The following PPP2R2D variants were observed in gnomAD, a reference collection of about 807,000 sequenced individuals.
PPP2R2D encodes the protein serine/threonine-protein phosphatase 2A 55 kDa regulatory subunit B delta isoform.
A neutral mutation model predicts 31.1 loss-of-function variants in PPP2R2D; 9 were observed. The ratio of observed to expected loss-of-function variants is 0.29; its 90% CI spans 0.17 to 0.51. The LOEUF is 0.51. PPP2R2D is among the 20% of genes least tolerant of loss of function. The pLI is 0.98. For synonymous variants in PPP2R2D, 179 were observed against 172.6 expected (o/e 1.04, Z -0.29); for missense variants, 391 against 465.6 (o/e 0.84, Z 1.48).
chr10:131,908,034 A>G (rs2035625194), intron 2 of PPP2R2D, among the ~76,000 whole-genome samples: 1 of 152,184 alleles, frequency 6.6e-6, no homozygotes. Context: ...TTAAGATCAA[A>G]CAATGTGCAG....
At chr10:131,963,718 T>C (rs2036949169), downstream of PPP2R2D, among the ~76,000 whole-genome samples, 1 of 152,260 alleles carries the variant, frequency 6.6e-6, no homozygotes, top group South Asian at 2.1e-4. Context: ...ACCACACTTT[T>C]TTTTTCTTTT....
At chr10:131,970,225 GAAC>G in the PPP2R2D span, 4 of 188,274 alleles carry the variant, frequency 2.1e-5, no homozygotes, top group South Asian at 1.3e-4. The surrounding 1 kb of genome is among the most constrained non-coding windows in gnomAD (Gnocchi z 4.1). Context: ...AGAGTTACTA[GAAC>G]AACAGTCCTG....
chr10:131,925,589 C>CT (rs1564815578), intron 2 of PPP2R2D, among the ~76,000 whole-genome samples: 1 of 151,976 alleles, frequency 6.6e-6, no homozygotes, highest in African/African-American at 2.4e-5. Context: ...TTGCCACAAA[C>CT]TTTTTTTTAG....
chr10:131,917,004 GAC>G (rs1312192867), intron 2 of PPP2R2D, among the ~76,000 whole-genome samples: 3 of 138,758 alleles, frequency 2.2e-5, no homozygotes, highest in African/African-American at 5.2e-5. Context: ...TGGGTGGAAT[GAC>G]ACAGTGTAGG....
At chr10:131,937,074 C>T (rs1310331691) in intron 3 of PPP2R2D, among the ~76,000 whole-genome samples, 1 of 152,230 alleles carries the variant, frequency 6.6e-6, no homozygotes, top group Non-Finnish European at 1.5e-5. Context: ...TCACAGGCGT[C>T]CACGTGTGCG....
chr10:131,914,559 G>T (rs2035740871), intron 2 of PPP2R2D, among the ~76,000 whole-genome samples: 1 of 152,202 alleles, frequency 6.6e-6, no homozygotes, highest in African/African-American at 2.4e-5. Flanking sequence ...GATGTGCACT[G>T]CAGTGATACA....
intron 3 of PPP2R2D, among the ~76,000 whole-genome samples, chr10:131,939,163 G>A (rs1388348521): frequency 5.3e-3 from 279 of 52,514 alleles, no homozygotes; most frequent in East Asian, 0.011. Context: ...GCTGCATTCG[G>A]CAGACCTGCT....
At chr10:131,939,887 C>A in intron 3 of PPP2R2D, 144 bp from the exon 4 acceptor site, 1 of 390,474 alleles carries the variant, frequency 2.6e-6, no homozygotes, top group Non-Finnish European at 4.6e-6. Flanking sequence ...TTTTTTTTCC[C>A]TGAGTTTCAT....
intron 2 of PPP2R2D, chr10:131,912,483 GGCC>G (rs1756943317): frequency 6.6e-6 from 1 of 152,212 alleles, no homozygotes; most frequent in African/African-American, 2.4e-5. Flanking sequence ...CATGGCATGT[GGCC>G]GCCACTTGCC....
At chr10:131,960,692 T>C (rs186168431), downstream of PPP2R2D, among the ~76,000 whole-genome samples, 1 of 152,264 alleles carries the variant, frequency 6.6e-6, no homozygotes, top group East Asian at 1.9e-4. Flanking sequence ...ACCCCTTTGC[T>C]TGCTTGGGAG....
chr10:131,906,407 TTCTA>T (rs1274028621), intron 2 of PPP2R2D, among the ~76,000 whole-genome samples: 1 of 152,210 alleles, frequency 6.6e-6, no homozygotes, highest in Admixed American at 6.5e-5. Flanking sequence ...ATTAACCTGT[TTCTA>T]AAGAGATAGA....
chr10:131,952,558 G>A (rs1164553923), intron 8 of PPP2R2D, among the ~76,000 whole-genome samples: 15 of 68,306 alleles, frequency 2.2e-4, no homozygotes, highest in Non-Finnish European at 1.9e-4. Flanking sequence ...GCGGGTGTGC[G>A]GGGGGTTCAC....
intron 2 of PPP2R2D, among the ~76,000 whole-genome samples, chr10:131,906,803 T>C (rs900953830): frequency 8.6e-5 from 13 of 150,458 alleles, no homozygotes; most frequent in Non-Finnish European, 1.6e-4. Context: ...TTGCCAGGTA[T>C]GGTAGTACAC....
chr10:131,941,273 A>G (rs782556606), intron 5 of PPP2R2D, among the ~76,000 whole-genome samples: 2 of 152,186 alleles, frequency 1.3e-5, no homozygotes, highest in African/African-American at 4.8e-5. Context: ...TGATGCCTAA[A>G]TTTTTTCATA....
intron 2 of PPP2R2D, among the ~76,000 whole-genome samples, chr10:131,915,212 A>G (rs1230052387): frequency 1.3e-5 from 2 of 150,174 alleles, no homozygotes; most frequent in Non-Finnish European, 3.0e-5. Context: ...CAAAACAAAA[A>G]CTCAGCTAGT....
chr10:131,921,270 G>A (rs1357624308), intron 2 of PPP2R2D, among the ~76,000 whole-genome samples: 3 of 152,304 alleles, frequency 2.0e-5, no homozygotes, highest in Admixed American at 6.5e-5. Context: ...CTTTGCTGAC[G>A]TGCAGGGAGT....
chr10:131,939,851 C>T (rs1160146944), intron 3 of PPP2R2D, 180 bp from the exon 4 acceptor site: 7 of 378,886 alleles, frequency 1.8e-5, no homozygotes, highest in African/African-American at 6.3e-5. Flanking sequence ...GTCGAAGAGT[C>T]GGAAATCAAG....
rs34975813 is a variant in PPP2R2D at position 131,958,130 on chromosome 10, G to C, written c.*2167G>C. 10 of 98,206 alleles carry C rather than the reference G, an allele frequency of 1.0e-4. No individual in the cohort carries two copies. The highest frequency in any genetic ancestry group is 2.3e-4 in the South Asian group (1 of 4,392). The allele number at this position is 98,206 out of a possible 1,614,324, so 6.1% of individuals were successfully genotyped here. ...GAGATGAAGGTGTGTGCTGATCCCC[G>C]TCCCCCTGTGGAGATGAAGGGGTGT... On this transcript the variant is annotated 3_prime_UTR_variant, in exon 9 of 9. Transcript: ENST00000455566.
intron 2 of PPP2R2D, among the ~76,000 whole-genome samples, chr10:131,918,332 GTT>G (rs2035869069): frequency 6.9e-6 from 1 of 143,952 alleles, no homozygotes; most frequent in Non-Finnish European, 1.5e-5. Flanking sequence ...ATGACACAGT[GTT>G]TGTAGGGACC....
Sources: allele counts gnomAD v4.1 joint callset (sites outside exome capture counted in the v4.1 genomes callset), GRCh38; gene constraint gnomAD v4.1.1; non-coding constraint Gnocchi (gnomAD v3.1); transcripts MANE v1.5; gene names NCBI Gene and HGNC (gene_info 2026-07-23, HGNC 2026-07-21).